Variants in WFDC1 observed in about 807,000 individuals in gnomAD.
WFDC1 encodes the protein WAP four-disulfide core domain protein 1.
WFDC1 carries 39 observed loss-of-function variants against 32.9 expected under a neutral mutation model. The ratio of observed to expected loss-of-function variants is 1.19; its 90% CI spans 0.92 to 1.55. The LOEUF (loss-of-function observed/expected upper bound fraction) is 1.55. WFDC1 is among the 40% of genes most tolerant of loss of function. The pLI is 0.00. For missense variants in WFDC1, 386 were observed against 309.5 expected (o/e 1.25, Z -1.85); for synonymous variants, 184 against 137.4 (o/e 1.34, Z -2.37).
chr16:84,323,344 G>A (rs979543199), intron 4 of WFDC1, among the ~76,000 whole-genome samples: 2 of 152,204 alleles, frequency 1.3e-5, no homozygotes, highest in South Asian at 2.1e-4. Flanking sequence ...AAAAGGCAGC[G>A]CTGATCACCA....
intron 1 of WFDC1, among the ~76,000 whole-genome samples, chr16:84,296,160 G>C (rs570026370): frequency 6.6e-6 from 1 of 152,192 alleles, no homozygotes; most frequent in Non-Finnish European, 1.5e-5. Flanking sequence ...GGCTCAAGAA[G>C]GTAATGCTGG....
chr16:84,313,227 A>G, intron 2 of WFDC1, 74 bp downstream of exon 2: 5 of 1,304,936 alleles, frequency 3.8e-6, no homozygotes, highest in Non-Finnish European at 4.9e-6. Flanking sequence ...GGAGGGGAAG[A>G]AAGGAGCTGG....
chr16:84,322,548 G>A (rs965807013), intron 4 of WFDC1, among the ~76,000 whole-genome samples: 2 of 152,118 alleles, frequency 1.3e-5, no homozygotes, highest in Admixed American at 6.6e-5. Context: ...TTTCCTTTAT[G>A]CTCTCTCCCC....
intron 1 of WFDC1, among the ~76,000 whole-genome samples, chr16:84,298,117 G>A (rs1906718888): frequency 6.6e-6 from 1 of 152,010 alleles, no homozygotes; most frequent in Non-Finnish European, 1.5e-5. Context: ...TAAATCATTT[G>A]TATTAAAAAG....
chr16:84,313,181 T>G, intron 2 of WFDC1, 28 bp downstream of exon 2: 2 of 1,395,854 alleles, frequency 1.4e-6, no homozygotes, highest in East Asian at 3.1e-5. Context: ...GGGAGGGGGC[T>G]GAGGGAGGAG....
At chr16:84,324,483 C>G in intron 5 of WFDC1, 23 bp downstream of exon 5, 1 of 1,609,004 alleles carries the variant, frequency 6.2e-7, no homozygotes, top group African/African-American at 1.3e-5. Context: ...ACTGTTCTTT[C>G]TTTCCAGAGG....
chr16:84,318,314 G>A lies in WFDC1; in HGVS notation c.380G>A (p.Gly127Asp). 1 of 1,614,122 alleles carries A rather than the reference G, an allele frequency of 6.2e-7. No individual in the cohort carries two copies. Among genetic ancestry groups the A allele is most frequent in the Non-Finnish European group, 8.5e-7 (1 of 1,179,996 alleles). Residue 127 changes from glycine (G) to aspartate (D), a missense_variant, in exon 3 of 7, where the codon GGC becomes GAC. Transcript: ENST00000219454. ...CAGCCGAAACCTCGATGGCTTGGTG[G>A]CAATGGCTGGCTCCTGGATGGCCCT... is the stretch of plus-strand genomic sequence containing the variant. Reference protein sequence around the residue: ...LVQPKPRWLGGNGWLLDGPEE... With the variant: ...LVQPKPRWLGDNGWLLDGPEE...
At chr16:84,308,922 T>G (rs1907442270) in intron 1 of WFDC1, among the ~76,000 whole-genome samples, 1 of 151,942 alleles carries the variant, frequency 6.6e-6, no homozygotes, top group Non-Finnish European at 1.5e-5. Context: ...TGGGCATAGA[T>G]GCCATCCTGG....
At chr16:84,304,037 C>T (rs1349751067) in intron 1 of WFDC1, among the ~76,000 whole-genome samples, 1 of 152,200 alleles carries the variant, frequency 6.6e-6, no homozygotes, top group Non-Finnish European at 1.5e-5. Context: ...CTAAGGCCTG[C>T]CTGGTGTTCT....
At position 84,295,275 on chromosome 16, in the gene WFDC1, C is replaced by T. The variant is rs139588300; in HGVS notation, c.144+160C>T. 1.9e-3 allele frequency: 1,677 copies of T among 899,252 alleles called. 23 individuals are homozygous for T. The African/African-American group carries it at 0.024, about 13-fold the overall frequency. 55.7% of individuals were successfully genotyped at this position (899,252 alleles called of 1,614,324 possible). ...GTGTGTGTCTGAGTTGTGTGGTGGG[C>T]AGATGGGGCTCACCCCCAAAAAAGG... is the stretch of plus-strand genomic sequence containing the variant. On this transcript the variant is annotated intron_variant, in intron 1 of 6. Coordinates refer to ENST00000219454, the MANE Select transcript of WFDC1 (RefSeq NM_021197.4).
chr16:84,303,715 A>C (rs549018358), intron 1 of WFDC1, among the ~76,000 whole-genome samples: 11 of 152,196 alleles, frequency 7.2e-5, no homozygotes, highest in Non-Finnish European at 1.3e-4. Flanking sequence ...CAAAGGTACA[A>C]TTCAGTGGTG....
At chr16:84,295,324 C>A in intron 1 of WFDC1, 1 of 575,144 alleles carries the variant, frequency 1.7e-6, no homozygotes, top group Non-Finnish European at 3.0e-6. Flanking sequence ...AATCAAGAGG[C>A]AAAAGACACA....
At chr16:84,319,604 C>G (rs775568096) in intron 4 of WFDC1, 33 bp downstream of exon 4, 1 of 1,605,620 alleles carries the variant, frequency 6.2e-7, no homozygotes, top group Non-Finnish European at 8.5e-7. Flanking sequence ...GATCCTGGCT[C>G]CTGCCCCAGT....
intron 1 of WFDC1, among the ~76,000 whole-genome samples, chr16:84,310,324 C>T (rs984011810): frequency 5.9e-5 from 9 of 152,026 alleles, no homozygotes; most frequent in African/African-American, 1.7e-4. Flanking sequence ...CCTGAAGGAA[C>T]GGGCATTCGG....
chr16:84,314,477 G>A (rs1310735247), intron 2 of WFDC1, among the ~76,000 whole-genome samples: 1 of 152,138 alleles, frequency 6.6e-6, no homozygotes, highest in Non-Finnish European at 1.5e-5. Flanking sequence ...GCCTTAATTA[G>A]GGAAGGCGGC....
intron 2 of WFDC1, among the ~76,000 whole-genome samples, chr16:84,315,063 A>T (rs934376005): frequency 1.3e-5 from 2 of 152,228 alleles, no homozygotes; most frequent in Non-Finnish European, 2.9e-5. Flanking sequence ...GTTTCCATCC[A>T]GTTGTCTGAC....
chr16:84,312,260 G>A (rs1201468444), intron 1 of WFDC1, among the ~76,000 whole-genome samples: 1 of 152,120 alleles, frequency 6.6e-6, no homozygotes, highest in Non-Finnish European at 1.5e-5. Flanking sequence ...AACACACCAT[G>A]TAACCAGCCC....
At chr16:84,320,554 A>G (rs908316213) in intron 4 of WFDC1, among the ~76,000 whole-genome samples, 1 of 152,240 alleles carries the variant, frequency 6.6e-6, no homozygotes, top group Non-Finnish European at 1.5e-5. Context: ...TGGCACAGCG[A>G]TTCCTGGTGG....
intron 6 of WFDC1, 195 bp downstream of exon 6, chr16:84,327,150 A>G (rs568003795): frequency 3.3e-6 from 2 of 601,856 alleles, no homozygotes; most frequent in South Asian, 1.9e-5. Flanking sequence ...TTTAAATGCA[A>G]CGACATACTA....
Sources: allele counts gnomAD v4.1 joint callset (sites outside exome capture counted in the v4.1 genomes callset), GRCh38; gene constraint gnomAD v4.1.1; transcripts MANE v1.5; gene names NCBI Gene and HGNC (gene_info 2026-07-23, HGNC 2026-07-21).